The following CAMKK2 variants were observed in gnomAD, a reference collection of about 807,000 sequenced individuals.
CAMKK2 encodes the protein calcium/calmodulin-dependent protein kinase kinase 2.
Under a neutral mutation model 67.2 loss-of-function variants are expected in CAMKK2, and 30 were observed. That is an observed-to-expected ratio of 0.45 (90% CI 0.33 to 0.61). CAMKK2 has a LOEUF of 0.61. Ranked by LOEUF, CAMKK2 falls within the 20% of genes least tolerant of loss-of-function variation. The pLI is 0.02. For missense variants in CAMKK2, 643 were observed against 802.0 expected (o/e 0.80, Z 2.39); for synonymous variants, 322 against 326.2 (o/e 0.99, Z 0.14).
Position 121,240,755 on chromosome 12 carries a change from CG to C in CAMKK2, c.1710del (p.Gly571AlafsTer70). 6.2e-7 allele frequency: 1 copy of C among 1,608,338 alleles called. No individual in the cohort carries two copies. The highest frequency in any genetic ancestry group is 8.5e-7 in the Non-Finnish European group (1 of 1,178,766). On this transcript the variant is annotated frameshift_variant, in exon 17 of 17. Coordinates refer to ENST00000404169, the MANE Select transcript of CAMKK2 (RefSeq NM_001270485.2). LOFTEE classifies it high-confidence loss of function. The surrounding 1 kb of genome is among the most constrained non-coding windows in gnomAD (Gnocchi z 4.4). Reference protein sequence around the residue: ...PCVESCWAPAPGSPARMHPLR... With the variant: ...PCVESCWAPAXGSPARMHPLR... ...AGTGGATGCATGCGTGCGGGGGAGC[CG>C]GGGGCGGGGGCCCAGCAACTTTCCA...
At chr12:121,244,100 A>G in intron 16 of CAMKK2, 1 of 1,611,960 alleles carries the variant, frequency 6.2e-7, no homozygotes, top group East Asian at 2.2e-5. Flanking sequence ...TTACTTTGCA[A>G]CAGGCAGGAA....
At chr12:121,295,873 G>A (rs1181953361) in intron 1 of CAMKK2, among the ~76,000 whole-genome samples, 1 of 152,216 alleles carries the variant, frequency 6.6e-6, no homozygotes, top group Non-Finnish European at 1.5e-5. Context: ...CAGTGCAGGG[G>A]CTGGGGGAAA....
chr12:121,250,583 G>A (rs1890504868), intron 11 of CAMKK2, among the ~76,000 whole-genome samples: 1 of 152,080 alleles, frequency 6.6e-6, no homozygotes, highest in Admixed American at 6.5e-5. Flanking sequence ...ACTTCCTGAA[G>A]CCCTGTCTAA....
chr12:121,294,233 A>G (rs1900693888), intron 1 of CAMKK2, among the ~76,000 whole-genome samples: 1 of 151,734 alleles, frequency 6.6e-6, no homozygotes, highest in Middle Eastern at 3.2e-3. Context: ...ACGCCCAGCC[A>G]GGGGAGGGTG....
At chr12:121,292,401 T>C (rs1298138671) in intron 1 of CAMKK2, among the ~76,000 whole-genome samples, 1 of 152,190 alleles carries the variant, frequency 6.6e-6, no homozygotes, top group African/African-American at 2.4e-5. Context: ...AGTGCTGGGA[T>C]TACAGGCGTG....
intron 11 of CAMKK2, among the ~76,000 whole-genome samples, chr12:121,251,284 G>A (rs1890654012): frequency 6.6e-6 from 1 of 152,200 alleles, no homozygotes; most frequent in African/African-American, 2.4e-5. Flanking sequence ...GAACAGACAA[G>A]CACAGGAAAA....
At chr12:121,286,416 C>T (rs936516248) in intron 1 of CAMKK2, among the ~76,000 whole-genome samples, 1 of 152,232 alleles carries the variant, frequency 6.6e-6, no homozygotes, top group African/African-American at 2.4e-5. Context: ...AATCGCATTG[C>T]TGCAGATGCA....
rs201017296 is a variant in CAMKK2, at chr12:121,240,373, C to T, written c.*326G>A. The T allele has an allele frequency of 7.1e-7, 1 of 1,410,804 alleles. No individual in the cohort carries two copies. Among genetic ancestry groups the T allele is most frequent in the Admixed American group, 2.2e-5 (1 of 45,796 alleles). The allele number at this position is 1,410,804 out of a possible 1,614,324, so 87.4% of individuals were successfully genotyped here. ...ACACACAGTCACTTGGTATATCTGA[C>T]GTGGTTCTGAAAATCACAATGAAGG... is the stretch of plus-strand genomic sequence containing the variant. On this transcript the variant is annotated 3_prime_UTR_variant, in exon 17 of 17. Coordinates refer to ENST00000404169, the MANE Select transcript of CAMKK2 (RefSeq NM_001270485.2). This position sits in a 1 kb window ranked among gnomAD's most constrained non-coding sequence, Gnocchi z 4.4.
rs532403219 is a variant in CAMKK2, at chr12:121,274,467, C to T, written c.60G>A (p.Leu20=). ...CGCTGCTGCTGCTGCCCCTGCCCCC[C>T]AGCTCATCCTGGGGGGCGGCCCGGT... ...SSNRAAPQDE[L]GGRGSSSSES... is the part of the protein sequence containing the mutation. The change falls in exon 2 of 17, where the codon CTG becomes CTA. Residue 20 remains leucine (L), a synonymous_variant. Coordinates refer to ENST00000404169, the MANE Select transcript of CAMKK2 (RefSeq NM_001270485.2). 6.2e-7 allele frequency: 1 copy of T among 1,612,930 alleles called. No individual in the cohort carries two copies. The highest frequency in any genetic ancestry group is 2.2e-5 in the East Asian group (1 of 44,872).
intron 2 of CAMKK2, among the ~76,000 whole-genome samples, chr12:121,273,661 C>T (rs1334952847): frequency 6.6e-6 from 1 of 152,122 alleles, no homozygotes; most frequent in African/African-American, 2.4e-5. Flanking sequence ...TGTCCACACC[C>T]ACAGGGGGTC....
intron 7 of CAMKK2, among the ~76,000 whole-genome samples, chr12:121,256,205 C>T (rs1457354803): frequency 6.6e-6 from 1 of 152,192 alleles, no homozygotes; most frequent in Non-Finnish European, 1.5e-5. Flanking sequence ...GTGGCAAAAC[C>T]CTATCTCTAC....
intron 2 of CAMKK2, among the ~76,000 whole-genome samples, chr12:121,271,667 G>A (rs975238826): frequency 1.3e-5 from 2 of 152,182 alleles, no homozygotes; most frequent in African/African-American, 4.8e-5. Flanking sequence ...ACAGACAAAA[G>A]AAACAAATGA....
intron 15 of CAMKK2, 61 bp from the exon 16 acceptor site, chr12:121,244,676 G>T: frequency 7.4e-7 from 1 of 1,352,672 alleles, no homozygotes; most frequent in Non-Finnish European, 1.0e-6. Flanking sequence ...TCCACGGGAT[G>T]CCCGTTCCCC....
chr12:121,290,676 T>G (rs1899816410), intron 1 of CAMKK2, among the ~76,000 whole-genome samples: 2 of 152,098 alleles, frequency 1.3e-5, no homozygotes, highest in South Asian at 2.1e-4. Context: ...GGCGAGTGAG[T>G]GAGATCCCAT....
intron 3 of CAMKK2, 27 bp from the exon 4 acceptor site, chr12:121,269,608 T>C (rs1467252118): frequency 3.8e-6 from 6 of 1,580,934 alleles, no homozygotes; most frequent in East Asian, 2.2e-5. Flanking sequence ...GCCCATGACA[T>C]ACTATCCAGA....
At position 121,270,899 on chromosome 12, in the gene CAMKK2, T is replaced by G; in HGVS notation, c.518A>C (p.Lys173Thr). 6.2e-7 allele frequency: 1 copy of G among 1,612,808 alleles called. No individual in the cohort carries two copies. Residue 173 changes from lysine to threonine, a missense_variant and splice_region_variant, in exon 3 of 17, where the codon AAG (lysine) becomes ACG (threonine). Around this residue, in one of 3 missense-constraint regions of CAMKK2, gnomAD observed 483 missense variants for 625.8 expected, o/e 0.77. Coordinates refer to ENST00000404169, the MANE Select transcript of CAMKK2 (RefSeq NM_001270485.2). ...NQYTLKDEIGKGSYGVVKLAY... is the reference protein window; with the variant it reads ...NQYTLKDEIGTGSYGVVKLAY... ...CAGCCTAGCCCCAGGGATATTTACC[T>G]TTCCAATTTCATCCTTCAGGGTATA...
chr12:121,255,824 GAA>G lies in CAMKK2; in HGVS notation c.797-22_797-21del, dbSNP rs1226450542. Reference sequence around the variant, plus strand: ...CGAACACTGTAGGGAAGAAAAGGGTGAAACTGTTACATGGGAAACTGAACATC... The same window carrying G: ...CGAACACTGTAGGGAAGAAAAGGGTGACTGTTACATGGGAAACTGAACATC... On this transcript the variant is annotated intron_variant, in intron 7 of 16. Transcript: ENST00000404169. 6.2e-7 allele frequency: 1 copy of G among 1,613,058 alleles called. No homozygotes were observed. Among genetic ancestry groups the G allele is most frequent in the Admixed American group, 1.7e-5 (1 of 59,982 alleles).
upstream of CAMKK2, chr12:121,297,703 T>C (rs753042055): frequency 7.7e-6 from 4 of 517,276 alleles, no homozygotes; most frequent in African/African-American, 5.8e-5. Flanking sequence ...GGGAATCGAG[T>C]TGACAGGAGA....
At chr12:121,258,517 T>C (rs980570385) in intron 7 of CAMKK2, among the ~76,000 whole-genome samples, 1 of 152,104 alleles carries the variant, frequency 6.6e-6, no homozygotes, top group Admixed American at 6.5e-5. Context: ...GCCCTTTGCA[T>C]GTCAGGCCTG....
Sources: gnomAD v4.1 joint callset for allele counts (sites outside exome capture counted in the v4.1 genomes callset) on GRCh38, gnomAD v4.1.1 for gene constraint, gnomAD v4.1.1 regional missense constraint, Gnocchi (gnomAD v3.1) non-coding constraint, MANE v1.5 for transcripts, NCBI Gene and HGNC (gene_info 2026-07-23, HGNC 2026-07-21) for gene names.